The following MAPK10 variants were observed in gnomAD, a reference collection of about 807,000 sequenced individuals.
MAPK10 encodes JNK3 alpha protein kinase.
A neutral mutation model predicts 59.3 loss-of-function variants in MAPK10; 25 were observed. That is an observed-to-expected ratio of 0.42 (90% CI 0.31 to 0.59). The LOEUF (loss-of-function observed/expected upper bound fraction) is 0.59. Ranked by LOEUF, MAPK10 falls within the 20% of genes least tolerant of loss-of-function variation. MAPK10 has a pLI of 0.15. For synonymous variants in MAPK10, 190 were observed against 200.5 expected (o/e 0.95, Z 0.44); for missense variants, 351 against 568.9 (o/e 0.62, Z 3.90).
chr4:86,129,138 T>G (rs2060574988), intron 4 of MAPK10, among the ~76,000 whole-genome samples: 1 of 152,170 alleles, frequency 6.6e-6, no homozygotes, highest in Non-Finnish European at 1.5e-5. Flanking sequence ...TGGACAGATG[T>G]TAGCATTAAC....
chr4:86,067,358 G>C (rs2046953023), intron 10 of MAPK10, among the ~76,000 whole-genome samples: 1 of 151,982 alleles, frequency 6.6e-6, no homozygotes, highest in Non-Finnish European at 1.5e-5. Flanking sequence ...TGGCCAGGAT[G>C]GTCTGTCTCG....
chr4:86,207,049 A>C (rs2084246026), intron 2 of MAPK10, among the ~76,000 whole-genome samples: 1 of 151,358 alleles, frequency 6.6e-6, no homozygotes, highest in Non-Finnish European at 1.5e-5. Flanking sequence ...TCTTTAGTTT[A>C]ATTAGATCCC....
chr4:86,333,401 C>G (rs1421845663), intron 2 of MAPK10, among the ~76,000 whole-genome samples: 1 of 152,030 alleles, frequency 6.6e-6, no homozygotes, highest in Non-Finnish European at 1.5e-5. Context: ...TCCTCACCTT[C>G]CAGCCAAAGT....
intron 1 of MAPK10, among the ~76,000 whole-genome samples, chr4:86,507,775 C>T (rs1755913589): frequency 1.3e-5 from 2 of 149,114 alleles, no homozygotes; most frequent in African/African-American, 5.0e-5. Context: ...AAAATGGAGC[C>T]ACTTGTGTTA....
chr4:86,388,302 G>C (rs535734542), intron 1 of MAPK10, among the ~76,000 whole-genome samples: 4 of 152,012 alleles, frequency 2.6e-5, no homozygotes, highest in Non-Finnish European at 5.9e-5. Context: ...CTTATCGTTT[G>C]TCAGTAAACA....
intron 1 of MAPK10, among the ~76,000 whole-genome samples, chr4:86,382,734 C>T (rs932611800): frequency 1.3e-5 from 2 of 152,202 alleles, no homozygotes; most frequent in Admixed American, 6.5e-5. Context: ...TCCTGCACCT[C>T]ACATTCCTGT....
intron 1 of MAPK10, among the ~76,000 whole-genome samples, chr4:86,448,647 C>T (rs1245763752): frequency 1.3e-5 from 2 of 152,130 alleles, no homozygotes. Flanking sequence ...TAACCCAGCA[C>T]TCCCCAACAT....
intron 2 of MAPK10, among the ~76,000 whole-genome samples, chr4:86,273,829 T>C (rs1442381607): frequency 6.6e-6 from 1 of 152,030 alleles, no homozygotes; most frequent in African/African-American, 2.4e-5. Flanking sequence ...GAGAAGAACA[T>C]TAGAAAACTT....
chr4:86,261,932 A>G (rs186739216), intron 2 of MAPK10, among the ~76,000 whole-genome samples: 1 of 152,366 alleles, frequency 6.6e-6, no homozygotes, highest in Non-Finnish European at 1.5e-5. Flanking sequence ...AATAACTGAC[A>G]TTGCCCTGCT....
At chr4:86,376,279 T>C (rs138686105) in intron 1 of MAPK10, among the ~76,000 whole-genome samples, 1,705 of 152,248 alleles carry the variant, frequency 0.011, 17 homozygotes, top group Middle Eastern at 0.071. Context: ...AAACAAAACA[T>C]AGCAAGCCTA....
chr4:86,134,991 G>T (rs866251154), intron 4 of MAPK10, among the ~76,000 whole-genome samples: 1 of 152,192 alleles, frequency 6.6e-6, no homozygotes, highest in Non-Finnish European at 1.5e-5. Context: ...CTTAAAAAAC[G>T]GCGCACCACG....
intron 4 of MAPK10, among the ~76,000 whole-genome samples, chr4:86,146,313 T>C (rs775059674): frequency 2.6e-5 from 4 of 152,132 alleles, no homozygotes; most frequent in Admixed American, 6.5e-5. Context: ...AAATGGACAA[T>C]GTAAGGAGAC....
chr4:86,042,719 G>T (rs1034395054), intron 11 of MAPK10, among the ~76,000 whole-genome samples: 4 of 150,564 alleles, frequency 2.7e-5, no homozygotes, highest in African/African-American at 9.8e-5. Flanking sequence ...ACAAAGTAGG[G>T]AATCAAAGCA....
chr4:86,168,271 C>T lies in MAPK10; in HGVS notation c.67-8804G>A, dbSNP rs537681309. Among the ~76,000 whole-genome samples, 1,257 of 152,248 alleles carry T rather than the reference C, an allele frequency of 8.3e-3. 14 individuals are homozygous for T. The highest frequency in any genetic ancestry group is 0.028 in the African/African-American group (1,181 of 41,552). Reference sequence around the variant, plus strand: ...AAGCAGGGTGAGGCATTGCCTCACTCGGGAAGTGCAAGGGTCAGGGAGTTC... The same window carrying T: ...AAGCAGGGTGAGGCATTGCCTCACTTGGGAAGTGCAAGGGTCAGGGAGTTC... On this transcript the variant is annotated intron_variant, in intron 3 of 13. Transcript: ENST00000641462.
At chr4:86,123,058 C>CA (rs1158443341) in intron 4 of MAPK10, among the ~76,000 whole-genome samples, 2 of 151,958 alleles carry the variant, frequency 1.3e-5, no homozygotes, top group African/African-American at 2.4e-5. Flanking sequence ...TATTCTGGTG[C>CA]AAAAAACATG....
At chr4:86,323,977 T>C (rs1026908213) in intron 2 of MAPK10, among the ~76,000 whole-genome samples, 4 of 152,200 alleles carry the variant, frequency 2.6e-5, no homozygotes, top group Admixed American at 6.5e-5. Flanking sequence ...AATAGTATAA[T>C]AAAACTGAAA....
intron 1 of MAPK10, among the ~76,000 whole-genome samples, chr4:86,366,926 A>G (rs183940282): frequency 3.3e-5 from 5 of 152,244 alleles, no homozygotes; most frequent in East Asian, 3.9e-4. Flanking sequence ...CTCATGTTCT[A>G]ACACTTAAAG....
chr4:86,270,211 C>G (rs532446966), intron 2 of MAPK10, among the ~76,000 whole-genome samples: 14 of 152,090 alleles, frequency 9.2e-5, no homozygotes, highest in African/African-American at 3.4e-4. Context: ...TGGGATCTTA[C>G]TGTTCAAAAG....
intron 2 of MAPK10, among the ~76,000 whole-genome samples, chr4:86,238,238 G>T (rs2092433056): frequency 6.6e-6 from 1 of 152,102 alleles, no homozygotes; most frequent in African/African-American, 2.4e-5. Flanking sequence ...ATACTGTTTT[G>T]GTTACTGTAG....
Sources: allele counts gnomAD v4.1 joint callset (sites outside exome capture counted in the v4.1 genomes callset), GRCh38; gene constraint gnomAD v4.1.1; transcripts MANE v1.5; gene names NCBI Gene and HGNC (gene_info 2026-07-23, HGNC 2026-07-21).